Variants in CDK5RAP2 observed in about 807,000 individuals in gnomAD.
CDK5RAP2 encodes CDK5 regulatory subunit associated protein 2.
Under a neutral mutation model 232.9 loss-of-function variants are expected in CDK5RAP2, and 147 were observed. That is an observed-to-expected ratio of 0.63 (90% CI 0.55 to 0.72). CDK5RAP2 has a LOEUF of 0.72. Ranked by LOEUF, CDK5RAP2 falls within the 30% of genes least tolerant of loss-of-function variation. The probability of loss-of-function intolerance (pLI) is 0.00; values close to 1 mark genes in which losing one functional copy is unlikely to be tolerated. For missense variants in CDK5RAP2, 2,195 were observed against 2,231.5 expected (o/e 0.98, Z 0.33); for synonymous variants, 833 against 833.7 (o/e 1.00, Z 0.01).
chr9:120,437,628 C>A lies in CDK5RAP2; in HGVS notation c.3723-101G>T, dbSNP rs1014403773. On this transcript the variant is annotated intron_variant, in intron 24 of 37. Transcript: ENST00000349780. ...AATGACAGAGTACAATTTTTAAAAGCCTGCAGCTGTACAAGTATATATACT... is the reference window on the plus strand; with the variant it reads ...AATGACAGAGTACAATTTTTAAAAGACTGCAGCTGTACAAGTATATATACT... The A allele has an allele frequency of 1.9e-5, 16 of 851,638 alleles. No homozygotes were observed. In the African/African-American group the frequency reaches 2.3e-4, roughly 12 times the overall value. The allele number at this position is 851,638 out of a possible 1,614,324, so 52.8% of individuals were successfully genotyped here.
rs747041745 is a variant in CDK5RAP2, at chr9:120,477,313, G to A, written c.1727+37C>T. The A allele has an allele frequency of 1.3e-5, 18 of 1,406,000 alleles. No individual in the cohort carries two copies. In the Middle Eastern group the frequency reaches 5.3e-4, roughly 41 times the overall value. 87.1% of individuals were successfully genotyped at this position (1,406,000 alleles called of 1,614,324 possible). A position where few individuals can be genotyped will look rare whatever the true frequency, so the allele number is the denominator to read the frequency against. On this transcript the variant is annotated intron_variant, in intron 15 of 37. Coordinates refer to ENST00000349780, the MANE Select transcript of CDK5RAP2 (RefSeq NM_018249.6). The stretch of plus-strand genomic sequence containing the variant: ...TATGCGCGTGCATGTGTGTGTGTTC[G>A]CATTCACATGTGTGATGTCCAGACA...
chr9:120,390,125 G>A (rs1248090201), intron 36 of CDK5RAP2: 2 of 310,056 alleles, frequency 6.5e-6, no homozygotes, highest in Non-Finnish European at 1.3e-5. Context: ...GCTCACTTCT[G>A]TGGGCCAGGG....
chr9:120,545,095 T>C (rs2041786958), intron 5 of CDK5RAP2, among the ~76,000 whole-genome samples: 2 of 151,870 alleles, frequency 1.3e-5, no homozygotes, highest in South Asian at 2.1e-4. Flanking sequence ...TCAAGCAAAA[T>C]ATTACGAGGG....
At chr9:120,514,188 T>C (rs947787424) in intron 12 of CDK5RAP2, among the ~76,000 whole-genome samples, 1 of 152,164 alleles carries the variant, frequency 6.6e-6, no homozygotes, top group Non-Finnish European at 1.5e-5. Context: ...TGTGTAAAGG[T>C]AGTCACGATG....
At position 120,571,965 on chromosome 9, in the gene CDK5RAP2, T is replaced by G; in HGVS notation, c.127+9A>C. The stretch of plus-strand genomic sequence containing the variant: ...TTACTCAAGAGAATGCCTGGTTTTG[T>G]GTACTTACGACCATTTCCCAACCCA... On this transcript the variant is annotated intron_variant, in intron 2 of 37. Transcript: ENST00000349780. 1 of 1,609,906 alleles carries G rather than the reference T, an allele frequency of 6.2e-7. No individual in the cohort carries two copies. The highest frequency in any genetic ancestry group is 2.2e-5 in the East Asian group (1 of 44,876).
At position 120,406,997 on chromosome 9, in the gene CDK5RAP2, A is replaced by G. The variant is rs1564176859; in HGVS notation, c.4963+15T>C. 1.3e-6 allele frequency: 2 copies of G among 1,576,106 alleles called. No individual in the cohort carries two copies. The highest frequency in any genetic ancestry group is 1.7e-6 in the Non-Finnish European group (2 of 1,145,692). ...AGCTGCATTCTCAGCAAGTGGGGAG[A>G]GGCAGGGGCAGTACCGTGTTTGTCA... On this transcript the variant is annotated intron_variant, in intron 32 of 37. Coordinates refer to ENST00000349780, the MANE Select transcript of CDK5RAP2 (RefSeq NM_018249.6).
intron 10 of CDK5RAP2, among the ~76,000 whole-genome samples, chr9:120,525,972 CA>C (rs1411597271): frequency 6.6e-6 from 1 of 152,206 alleles, no homozygotes; most frequent in African/African-American, 2.4e-5. Flanking sequence ...GGTGATCATT[CA>C]AACTCCTTAG....
chr9:120,401,916 G>A (rs1436079879), intron 34 of CDK5RAP2, among the ~76,000 whole-genome samples: 1 of 152,020 alleles, frequency 6.6e-6, no homozygotes, highest in African/African-American at 2.4e-5. Context: ...CCCAAGAGGA[G>A]GAGGCTGCAG....
At chr9:120,481,565 T>A (rs1011902594) in intron 14 of CDK5RAP2, among the ~76,000 whole-genome samples, 1 of 149,682 alleles carries the variant, frequency 6.7e-6, no homozygotes, top group Admixed American at 6.8e-5. Flanking sequence ...CAGGCTAGAG[T>A]GCAGTGACGC....
At chr9:120,561,978 A>C (rs1307951701) in intron 3 of CDK5RAP2, among the ~76,000 whole-genome samples, 7 of 152,204 alleles carry the variant, frequency 4.6e-5, no homozygotes, top group Admixed American at 4.6e-4. Context: ...AATCACAATA[A>C]GCTCATGGGC....
chr9:120,395,589 G>C (rs891391147), intron 35 of CDK5RAP2, among the ~76,000 whole-genome samples: 5 of 152,244 alleles, frequency 3.3e-5, no homozygotes, highest in African/African-American at 1.2e-4. Context: ...CGTGGCACAG[G>C]CCGCTCTCTG....
chr9:120,452,600 A>G (rs1053884764), intron 21 of CDK5RAP2, among the ~76,000 whole-genome samples: 1 of 151,712 alleles, frequency 6.6e-6, no homozygotes, highest in Non-Finnish European at 1.5e-5. Context: ...GGGGGGGTCA[A>G]GCCGTGACCT....
At chr9:120,472,082 C>G (rs1183746798) in intron 15 of CDK5RAP2, among the ~76,000 whole-genome samples, 1 of 152,188 alleles carries the variant, frequency 6.6e-6, no homozygotes, top group African/African-American at 2.4e-5. Flanking sequence ...AACTAACACA[C>G]GGCAGACTGT....
rs567669349 is a variant in CDK5RAP2 at position 120,453,797 on chromosome 9, G to A, written c.2452C>T (p.His818Tyr). 2 of 1,614,160 alleles carry A rather than the reference G, an allele frequency of 1.2e-6. No individual in the cohort carries two copies. Among genetic ancestry groups the A allele is most frequent in the South Asian group, 1.1e-5 (1 of 91,080 alleles). The change falls in exon 21 of 38, where the codon CAC becomes TAC. Residue 818 changes from histidine (H) to tyrosine (Y), a missense_variant. By Grantham distance (83) the His-to-Tyr change is moderately conservative. Transcript: ENST00000349780. Reference protein sequence around the residue: ...FLTEQEVSGEHLDGKTEKTPK... With the variant: ...FLTEQEVSGEYLDGKTEKTPK... ...GTCTTCTCAGTTTTACCATCAAGGT[G>A]TTCTCCAGAAACTTCCTGCTCTGTC...
chr9:120,579,815 C>T, intron 1 of CDK5RAP2, 105 bp downstream of exon 1: 1 of 912,904 alleles, frequency 1.1e-6, no homozygotes, highest in Non-Finnish European at 1.8e-6. Flanking sequence ...CACACTGCCC[C>T]TGGCCAGACA....
chr9:120,568,399 G>A lies in CDK5RAP2; in HGVS notation c.128-11C>T. The A allele has an allele frequency of 6.2e-7, 1 of 1,601,960 alleles. No homozygotes were observed. The highest frequency in any genetic ancestry group is 8.6e-7 in the Non-Finnish European group (1 of 1,168,900). On this transcript the variant is annotated splice_polypyrimidine_tract_variant and intron_variant, in intron 2 of 37. Coordinates refer to ENST00000349780, the MANE Select transcript of CDK5RAP2 (RefSeq NM_018249.6). ...ACACATTTGGGAGCACTGTAAAAAG[G>A]TAAAATAGAGGAAAACGTCACAGCA...
intron 11 of CDK5RAP2, among the ~76,000 whole-genome samples, chr9:120,524,358 C>A (rs1015539022): frequency 1.3e-5 from 2 of 152,174 alleles, no homozygotes; most frequent in African/African-American, 4.8e-5. Flanking sequence ...CTCACAAATA[C>A]GGCCGGGCGC....
intron 3 of CDK5RAP2, among the ~76,000 whole-genome samples, chr9:120,555,283 T>C (rs977975295): frequency 6.6e-6 from 1 of 152,046 alleles, no homozygotes; most frequent in Admixed American, 6.5e-5. Context: ...AGGCACGCAC[T>C]ACCACGCTCG....
intron 3 of CDK5RAP2, 26 bp downstream of exon 3, chr9:120,568,295 G>T: frequency 6.4e-7 from 1 of 1,556,288 alleles, no homozygotes; most frequent in Non-Finnish European, 8.9e-7. Flanking sequence ...ATTTGTTGGG[G>T]GCAGTAATTT....
Sources: gnomAD v4.1 joint callset for allele counts (sites outside exome capture counted in the v4.1 genomes callset) on GRCh38, gnomAD v4.1.1 for gene constraint, MANE v1.5 for transcripts, NCBI Gene and HGNC (gene_info 2026-07-23, HGNC 2026-07-21) for gene names.